Variants in TENM2 observed in about 807,000 individuals in gnomAD.
TENM2 encodes teneurin-2.
A neutral mutation model predicts 245.2 loss-of-function variants in TENM2; 52 were observed. The observed-to-expected ratio is 0.21, with a 90% CI of 0.17 to 0.27. TENM2 has a LOEUF of 0.27. Among genes scored for constraint, TENM2 ranks in the 10% least tolerant of loss-of-function variants. The probability of loss-of-function intolerance (pLI) is 1.00; values close to 1 mark genes in which losing one functional copy is unlikely to be tolerated. For synonymous variants in TENM2, 1,363 were observed against 1,438.9 expected (o/e 0.95, Z 1.19); for missense variants, 3,046 against 3,666.8 (o/e 0.83, Z 4.37).
At chr5:168,213,828 A>G (rs1762973140) in intron 20 of TENM2, among the ~76,000 whole-genome samples, 1 of 151,988 alleles carries the variant, frequency 6.6e-6, no homozygotes, top group Admixed American at 6.5e-5. Flanking sequence ...TCTGAGAAAA[A>G]TAAAATAAAA....
chr5:167,316,705 C>T (rs912369978), intron 1 of TENM2, among the ~76,000 whole-genome samples: 5 of 152,144 alleles, frequency 3.3e-5, no homozygotes, highest in African/African-American at 9.7e-5. Context: ...CCCTTGAGTA[C>T]AATCCGTAGA....
At position 167,702,960 on chromosome 5, in the gene TENM2, G is replaced by C. The variant is rs575979248; in HGVS notation, c.503-173026G>C. On this transcript the variant is annotated intron_variant, in intron 2 of 28. Transcript: ENST00000518659. Reference sequence around the variant, plus strand: ...TTACAGGCGTAAGCCACCACGCCCAGCCACTTTTTTATTTTCTTCAAAAGT... The same window carrying C: ...TTACAGGCGTAAGCCACCACGCCCACCCACTTTTTTATTTTCTTCAAAAGT... 2.0e-5 allele frequency among the ~76,000 whole-genome samples: 3 copies of C among 152,266 alleles called. No homozygotes were observed. The East Asian group carries it at 5.8e-4, about 29-fold the overall frequency.
intron 23 of TENM2, among the ~76,000 whole-genome samples, chr5:168,224,311 C>T (rs1321372738): frequency 1.3e-5 from 2 of 152,160 alleles, no homozygotes; most frequent in African/African-American, 4.8e-5. Flanking sequence ...GCGGTGGATC[C>T]TGAGCTCACA....
chr5:167,957,207 G>A (rs1041627351), intron 4 of TENM2, among the ~76,000 whole-genome samples: 1 of 152,070 alleles, frequency 6.6e-6, no homozygotes, highest in Non-Finnish European at 1.5e-5. Context: ...TCTTGAGAGG[G>A]TGTATGTGTC....
At chr5:167,208,848 C>A in the TENM2 span, among the ~76,000 whole-genome samples, 3 of 152,228 alleles carry the variant, frequency 2.0e-5, no homozygotes, top group African/African-American at 4.8e-5. Context: ...ATGGAACATA[C>A]TTCCTCTCTT....
chr5:167,027,610 A>T, the TENM2 span, among the ~76,000 whole-genome samples: 8 of 152,346 alleles, frequency 5.3e-5, no homozygotes, highest in African/African-American at 1.7e-4. Context: ...AAAAAAATTC[A>T]AACTAGAAAT....
chr5:167,642,608 T>A (rs560378020), intron 2 of TENM2, among the ~76,000 whole-genome samples: 11 of 152,324 alleles, frequency 7.2e-5, no homozygotes, highest in African/African-American at 2.6e-4. Flanking sequence ...AGCCATTGTT[T>A]CTTATCATTC....
chr5:167,958,087 A>G (rs957109049), intron 4 of TENM2, among the ~76,000 whole-genome samples: 1 of 152,158 alleles, frequency 6.6e-6, no homozygotes, highest in East Asian at 1.9e-4. Flanking sequence ...AAAGTCACCC[A>G]TTATTATTGC....
intron 7 of TENM2, among the ~76,000 whole-genome samples, chr5:168,073,681 C>G (rs373648704): frequency 1.3e-5 from 2 of 152,220 alleles, no homozygotes; most frequent in East Asian, 3.8e-4. Flanking sequence ...ATGGGTTACC[C>G]TTCTAACTGG....
At chr5:167,121,002 G>A in the TENM2 span, among the ~76,000 whole-genome samples, 27 of 151,756 alleles carry the variant, frequency 1.8e-4, no homozygotes, top group Non-Finnish European at 3.1e-4. Flanking sequence ...GATCTAGTTA[G>A]GAGTGCAGCT....
the TENM2 span, among the ~76,000 whole-genome samples, chr5:167,208,370 G>A: frequency 4.5e-3 from 684 of 152,258 alleles, 8 homozygotes; most frequent in African/African-American, 0.016. Context: ...CCCTTTAGAA[G>A]CATAGAGTGA....
chr5:166,979,635 G>A, the TENM2 span, among the ~76,000 whole-genome samples: 2 of 152,052 alleles, frequency 1.3e-5, no homozygotes, highest in Non-Finnish European at 2.9e-5. Flanking sequence ...TGAATCAGCT[G>A]CAGTTCTCTT....
At chr5:168,155,694 C>G (rs1466264650) in intron 12 of TENM2, among the ~76,000 whole-genome samples, 1 of 151,868 alleles carries the variant, frequency 6.6e-6, no homozygotes, top group Admixed American at 6.6e-5. Flanking sequence ...TCCCTGATCT[C>G]AGAGTGAGGC....
chr5:167,575,322 C>T (rs1774570752), intron 2 of TENM2, among the ~76,000 whole-genome samples: 1 of 152,094 alleles, frequency 6.6e-6, no homozygotes, highest in Non-Finnish European at 1.5e-5. Flanking sequence ...ATGATATATA[C>T]AAGGGTGACT....
At chr5:167,174,889 T>A in the TENM2 span, among the ~76,000 whole-genome samples, 2 of 151,634 alleles carry the variant, frequency 1.3e-5, no homozygotes, top group Admixed American at 6.6e-5. Flanking sequence ...TTTTTTTTTT[T>A]AAGATTCCAC....
the TENM2 span, among the ~76,000 whole-genome samples, chr5:167,249,074 A>AGAT: frequency 8.5e-5 from 13 of 152,308 alleles, no homozygotes; most frequent in Non-Finnish European, 1.8e-4. Context: ...ATTCTTGGCA[A>AGAT]GATGACAGTG....
intron 7 of TENM2, among the ~76,000 whole-genome samples, chr5:168,074,577 T>G (rs534947162): frequency 1.4e-5 from 2 of 142,716 alleles, no homozygotes; most frequent in East Asian, 4.3e-4. Flanking sequence ...CCGTCCACCG[T>G]AGGTGTTCAG....
At chr5:168,006,385 C>A (rs991035775) in intron 5 of TENM2, among the ~76,000 whole-genome samples, 9 of 152,156 alleles carry the variant, frequency 5.9e-5, no homozygotes, top group African/African-American at 2.2e-4. Flanking sequence ...TGAAGGTTTT[C>A]CACATGTGCA....
At chr5:167,569,992 G>C (rs1349815239) in intron 2 of TENM2, among the ~76,000 whole-genome samples, 1 of 152,122 alleles carries the variant, frequency 6.6e-6, no homozygotes, top group Admixed American at 6.6e-5. Context: ...GAAAGTCAAG[G>C]ATATACTTGT....
Sources: gnomAD v4.1 joint callset for allele counts (sites outside exome capture counted in the v4.1 genomes callset) on GRCh38, gnomAD v4.1.1 for gene constraint, MANE v1.5 for transcripts, NCBI Gene and HGNC (gene_info 2026-07-23, HGNC 2026-07-21) for gene names.